Variants in WWP1 observed in about 807,000 individuals in gnomAD.
WWP1 encodes the protein NEDD4-like E3 ubiquitin-protein ligase WWP1.
Under a neutral mutation model 130.6 loss-of-function variants are expected in WWP1, and 49 were observed. The observed-to-expected ratio is 0.38, with a 90% confidence interval of 0.30 to 0.48. The LOEUF (loss-of-function observed/expected upper bound fraction) is 0.48, where lower values mean the gene tolerates loss of function less well. Among genes scored for constraint, WWP1 ranks in the 20% least tolerant of loss-of-function variants. The pLI is 0.99. For synonymous variants in WWP1, 332 were observed against 367.8 expected, an observed-to-expected ratio of 0.90 and a Z score of 1.11; for missense variants, 809 against 1,100.6, an observed-to-expected ratio of 0.74 and a Z score of 3.75.
chr8:86,444,379 A>G (rs1439139162), intron 18 of WWP1, among the ~76,000 whole-genome samples: 1 of 152,224 alleles, frequency 6.6e-6, no homozygotes, highest in Non-Finnish European at 1.5e-5. Flanking sequence ...AGTTGGAGGT[A>G]TAAGTCTGGC....
chr8:86,443,304 G>A (rs1163892009), intron 18 of WWP1, among the ~76,000 whole-genome samples: 1 of 152,020 alleles, frequency 6.6e-6, no homozygotes, highest in Non-Finnish European at 1.5e-5. Context: ...AAACTCCTGA[G>A]CTGAAGTGAT....
At chr8:86,438,784 A>G (rs1035539217) in intron 17 of WWP1, 111 bp downstream of exon 17, 7 of 897,910 alleles carry the variant, frequency 7.8e-6, no homozygotes, top group African/African-American at 6.8e-5. Flanking sequence ...TGAATTAACA[A>G]TCCAGAATTT....
chr8:86,403,255 CA>C (rs762352025), intron 8 of WWP1, among the ~76,000 whole-genome samples: 10 of 152,218 alleles, frequency 6.6e-5, no homozygotes, highest in Admixed American at 2.6e-4. Context: ...TGGAAAGAAG[CA>C]ATTCAGTAAT....
chr8:86,375,016 C>CA (rs1310318976), intron 3 of WWP1, among the ~76,000 whole-genome samples: 15 of 152,010 alleles, frequency 9.9e-5, no homozygotes, highest in African/African-American at 3.1e-4. Flanking sequence ...TCCTCTTAAT[C>CA]AAAAAATCTC....
chr8:86,435,366 G>A (rs1309816219), intron 14 of WWP1, 86 bp from the exon 15 acceptor site: 1 of 1,393,952 alleles, frequency 7.2e-7, no homozygotes, highest in Non-Finnish European at 1.0e-6. Context: ...TATTTTGTTG[G>A]ACTTTAGTAC....
intron 17 of WWP1, among the ~76,000 whole-genome samples, chr8:86,441,478 C>G (rs1810588359): frequency 6.6e-6 from 1 of 152,100 alleles, no homozygotes. Flanking sequence ...TAGAGGTGGC[C>G]CTCATTGTGA....
chr8:86,452,124 G>A (rs1263687054), intron 20 of WWP1, among the ~76,000 whole-genome samples: 1 of 151,976 alleles, frequency 6.6e-6, no homozygotes, highest in African/African-American at 2.4e-5. Flanking sequence ...TTGAGTCAGA[G>A]TCCTCAGGTC....
rs114094376 is a variant in WWP1 at position 86,451,272 on chromosome 8, C to T, written c.2274-1287C>T. Among the ~76,000 whole-genome samples the T allele has an allele frequency of 5.9e-3, 750 of 127,622 alleles. 6 individuals carry two copies. The highest frequency in any genetic ancestry group is 0.021 in the African/African-American group (717 of 33,840). 83.7% of individuals were successfully genotyped at this position (127,622 alleles called of 152,430 possible). A position where few individuals can be genotyped will look rare whatever the true frequency, so the allele number is the denominator to read the frequency against. ...AAAAAAAGATACATGAAAGCTTGCCCGATAGAGGGAGATTTTGGTACAGGG... is the reference window on the plus strand; with the variant it reads ...AAAAAAAGATACATGAAAGCTTGCCTGATAGAGGGAGATTTTGGTACAGGG... On this transcript the variant is annotated intron_variant, in intron 20 of 24. Coordinates refer to ENST00000517970, the MANE Select transcript of WWP1 (RefSeq NM_007013.4).
chr8:86,350,462 G>A (rs1160707648), intron 1 of WWP1, among the ~76,000 whole-genome samples: 1 of 152,106 alleles, frequency 6.6e-6, no homozygotes, highest in Non-Finnish European at 1.5e-5. Flanking sequence ...ACTAAAAAAC[G>A]GGCCCCTGCA....
chr8:86,379,027 A>G (rs2130350715), intron 3 of WWP1, among the ~76,000 whole-genome samples: 1 of 152,344 alleles, frequency 6.6e-6, no homozygotes, highest in African/African-American at 2.4e-5. Context: ...TTGAAAAATG[A>G]ACCCAGATAT....
intron 21 of WWP1, among the ~76,000 whole-genome samples, chr8:86,455,940 T>C (rs1811421270): frequency 6.6e-6 from 1 of 151,732 alleles, no homozygotes; most frequent in South Asian, 2.1e-4. Context: ...CACTAGAATG[T>C]CCAGAAGTAG....
At chr8:86,372,224 G>T (rs573847226) in intron 2 of WWP1, among the ~76,000 whole-genome samples, 4 of 151,422 alleles carry the variant, frequency 2.6e-5, no homozygotes, top group Non-Finnish European at 4.4e-5. Context: ...GGGTTTCACC[G>T]TGTTACCCAG....
rs142678266 is a variant in WWP1 at position 86,376,412 on chromosome 8, T to C, written c.70+2292T>C. On this transcript the variant is annotated intron_variant, in intron 3 of 24. Coordinates refer to ENST00000517970, the MANE Select transcript of WWP1 (RefSeq NM_007013.4). ...GGTGAAACCCCATCTCTACTAAAAA[T>C]ACAAAAATTAGCCGGGCATAGTGGC... Among the ~76,000 whole-genome samples, 63 of 151,622 alleles carry C rather than the reference T, an allele frequency of 4.2e-4. 1 individual carries two copies. Among genetic ancestry groups the C allele is most frequent in the African/African-American group, 1.5e-3 (60 of 41,304 alleles).
At chr8:86,439,577 CTTA>C (rs1810487124) in intron 17 of WWP1, among the ~76,000 whole-genome samples, 1 of 152,032 alleles carries the variant, frequency 6.6e-6, no homozygotes. Context: ...TGCATACATT[CTTA>C]TTTTTTGCTA....
intron 12 of WWP1, 33 bp from the exon 13 acceptor site, chr8:86,431,373 G>A (rs773291753): frequency 1.6e-6 from 2 of 1,258,148 alleles, no homozygotes; most frequent in Admixed American, 2.2e-5. Flanking sequence ...ATCCTAAATA[G>A]TTATTAAATA....
chr8:86,457,374 C>T (rs1249324783), intron 21 of WWP1, among the ~76,000 whole-genome samples: 1 of 151,686 alleles, frequency 6.6e-6, no homozygotes, highest in Non-Finnish European at 1.5e-5. Context: ...AGGTTTGGAA[C>T]TAATGAATTT....
intron 5 of WWP1, among the ~76,000 whole-genome samples, chr8:86,381,935 C>T (rs1398996716): frequency 6.6e-6 from 1 of 152,054 alleles, no homozygotes; most frequent in Non-Finnish European, 1.5e-5. Context: ...TTACATGACC[C>T]TACTCTATTT....
At position 86,380,754 on chromosome 8, in the gene WWP1, G is replaced by T; in HGVS notation, c.99G>T (p.Lys33Asn). 6.2e-7 allele frequency: 1 copy of T among 1,609,678 alleles called. No homozygotes were observed. The highest frequency in any genetic ancestry group is 8.5e-7 in the Non-Finnish European group (1 of 1,178,676). ...CTAGTGCCAAACTTAAAAGAAAAAA[G>T]AACTGGTTCGGAACAGCAATATATA... ...TVSSAKLKRK[K>N]NWFGTAIYTE... The change falls in exon 4 of 25, where the codon AAG becomes AAT. Residue 33 changes from lysine to asparagine, a missense_variant. This residue lies in a region of WWP1 where 262 missense variants were observed against 346.0 expected (regional missense o/e 0.76). Coordinates refer to ENST00000517970, the MANE Select transcript of WWP1 (RefSeq NM_007013.4).
intron 1 of WWP1, among the ~76,000 whole-genome samples, chr8:86,364,512 T>C (rs1169606528): frequency 6.6e-6 from 1 of 152,154 alleles, no homozygotes; most frequent in Admixed American, 6.5e-5. Flanking sequence ...GTTTTCTGTG[T>C]AATTGTTTGA....
Sources: gnomAD v4.1 joint callset for allele counts (sites outside exome capture counted in the v4.1 genomes callset) on GRCh38, gnomAD v4.1.1 for gene constraint, gnomAD v4.1.1 regional missense constraint, MANE v1.5 for transcripts, NCBI Gene and HGNC (gene_info 2026-07-23, HGNC 2026-07-21) for gene names.